Variants in KBTBD11 observed in about 807,000 individuals in gnomAD.
The protein encoded by KBTBD11 is kelch repeat and BTB domain-containing protein 11.
For synonymous variants in KBTBD11, 747 were observed against 499.0 expected (o/e 1.50, Z -6.63); for missense variants, 1,390 against 1,001.8 (o/e 1.39, Z -5.23).
At position 2,001,791 on chromosome 8, in the gene KBTBD11, G is replaced by A. The variant is rs1817374369; in HGVS notation, c.599G>A (p.Arg200Gln). 9 of 1,256,724 alleles carry A rather than the reference G, an allele frequency of 7.2e-6. No individual in the cohort carries two copies. In the South Asian group the frequency reaches 8.5e-5, roughly 12 times the overall value. 77.8% of individuals were successfully genotyped at this position (1,256,724 alleles called of 1,614,324 possible). The change falls in exon 2 of 2, where the codon CGG becomes CAG. Residue 200 changes from arginine to glutamine, a missense_variant. Arg to Gln is a conservative substitution (Grantham distance 43). Transcript: ENST00000320248. Reference sequence around the variant, plus strand: ...TACAGCGGGCGCATGGCGGGCGTGCGGCCCGACAACGTGGCCGAGGTGGTG... The same window carrying A: ...TACAGCGGGCGCATGGCGGGCGTGCAGCCCGACAACGTGGCCGAGGTGGTG... ...DAYSGRMAGV[R>Q]PDNVAEVVAG... is the part of the protein sequence containing the mutation.
chr8:1,984,023 G>A (rs565522789), intron 1 of KBTBD11, among the ~76,000 whole-genome samples: 18 of 152,294 alleles, frequency 1.2e-4, no homozygotes, highest in African/African-American at 3.1e-4. Context: ...CCAGCTACTC[G>A]GGAGGCTGAA....
At chr8:1,981,004 T>C (rs10093041) in intron 1 of KBTBD11, among the ~76,000 whole-genome samples, 85,174 of 152,094 alleles carry the variant, frequency 0.56, 25,507 homozygotes, top group East Asian at 0.82. Flanking sequence ...GGCAAAATAG[T>C]AACAAGGGCA....
intron 1 of KBTBD11, among the ~76,000 whole-genome samples, chr8:1,977,541 T>C (rs963050481): frequency 4.6e-5 from 7 of 152,126 alleles, no homozygotes; most frequent in African/African-American, 1.4e-4. Flanking sequence ...TATTATATTT[T>C]GAGATGGAGT....
Position 1,973,904 on chromosome 8 carries a change from G to C in KBTBD11, c.-940G>C. On this transcript the variant is annotated 5_prime_UTR_variant, in exon 1 of 2. Coordinates refer to ENST00000320248, the MANE Select transcript of KBTBD11 (RefSeq NM_014867.3). ...GCCCACCCGCCTGGCTGCGCGTCCC[G>C]GGCCCGGCGGCTGAAGAGGAGCCGC... 4.1e-6 allele frequency: 4 copies of C among 982,914 alleles called. No individual in the cohort carries two copies. The highest frequency in any genetic ancestry group is 3.6e-6 in the Non-Finnish European group (3 of 828,800). The allele number at this position is 982,914 out of a possible 1,614,324, so 60.9% of individuals were successfully genotyped here.
chr8:2,002,086 C>G lies in KBTBD11; in HGVS notation c.894C>G (p.Ala298=), dbSNP rs1282793069. 3.6e-5 allele frequency: 40 copies of G among 1,098,150 alleles called. No individual in the cohort carries two copies. Among genetic ancestry groups the G allele is most frequent in the Non-Finnish European group, 4.2e-5 (38 of 906,298 alleles). The allele number at this position is 1,098,150 out of a possible 1,614,324, so 68.0% of individuals were successfully genotyped here. ...GCGCCGGCCGCGCCCACCTCTTGGC[C>G]GCGGCGCTCGGGCCGGCGGGGGAGC... is the stretch of plus-strand genomic sequence containing the variant. ...RLRAGRAHLL[A]AALGPAGERA... The change falls in exon 2 of 2, where the codon GCC becomes GCG. Residue 298 remains alanine (A), a synonymous_variant. Transcript: ENST00000320248. The surrounding 1 kb of genome is among the most constrained non-coding windows in gnomAD (Gnocchi z 4.1).
At chr8:1,976,891 G>T (rs1321385861) in intron 1 of KBTBD11, among the ~76,000 whole-genome samples, 1 of 152,144 alleles carries the variant, frequency 6.6e-6, no homozygotes, top group East Asian at 1.9e-4. Flanking sequence ...GCACGGAGAG[G>T]TCAGTGAGGG....
chr8:1,980,587 A>G (rs1184343145), intron 1 of KBTBD11, among the ~76,000 whole-genome samples: 1 of 152,254 alleles, frequency 6.6e-6, no homozygotes, highest in Non-Finnish European at 1.5e-5. Context: ...CACTGCAGGC[A>G]GCTTCCGTGG....
In KBTBD11 at chr8:2,003,339, G is replaced by A. The variant is rs1216211757; in HGVS notation, c.*275G>A. The A allele has an allele frequency of 1.9e-5, 7 of 370,866 alleles. No individual in the cohort carries two copies. Among genetic ancestry groups the A allele is most frequent in the Non-Finnish European group, 3.3e-5 (7 of 215,090 alleles). The allele number at this position is 370,866 out of a possible 1,614,324, so 23.0% of individuals were successfully genotyped here. ...ACAGAGAAGGCTGTGGGATCCAAAGGGTCAGCCTCAGGGTACAGTGGGGGT... is the reference window on the plus strand; with the variant it reads ...ACAGAGAAGGCTGTGGGATCCAAAGAGTCAGCCTCAGGGTACAGTGGGGGT... On this transcript the variant is annotated 3_prime_UTR_variant, in exon 2 of 2. Coordinates refer to ENST00000320248, the MANE Select transcript of KBTBD11 (RefSeq NM_014867.3).
In KBTBD11 at chr8:1,987,978, T is replaced by C. The variant is rs185080420; in HGVS notation, c.-908-12307T>C. Among the ~76,000 whole-genome samples, 745 of 152,118 alleles carry C rather than the reference T, an allele frequency of 4.9e-3. 5 individuals are homozygous for C. The highest frequency in any genetic ancestry group is 0.017 in the African/African-American group (699 of 41,474). On this transcript the variant is annotated intron_variant, in intron 1 of 1. Coordinates refer to ENST00000320248, the MANE Select transcript of KBTBD11 (RefSeq NM_014867.3). ...GTTCCCACCTTTGAGTGAGAACATGTGGTGTTTGGTTTTCTGTCCTTGTGA... is the reference window on the plus strand; with the variant it reads ...GTTCCCACCTTTGAGTGAGAACATGCGGTGTTTGGTTTTCTGTCCTTGTGA...
intron 1 of KBTBD11, among the ~76,000 whole-genome samples, chr8:1,988,718 C>T (rs1391393840): frequency 6.6e-6 from 1 of 152,192 alleles, no homozygotes; most frequent in Non-Finnish European, 1.5e-5. Flanking sequence ...TTGCCTTCTG[C>T]ACTGAGGCTT....
chr8:1,990,291 T>A (rs1816865051), intron 1 of KBTBD11, among the ~76,000 whole-genome samples: 1 of 145,964 alleles, frequency 6.9e-6, no homozygotes, highest in African/African-American at 2.6e-5. Flanking sequence ...CTGCTGGGCC[T>A]TGGTGCCCTG....
chr8:2,004,111 T>G lies in KBTBD11; in HGVS notation c.*1047T>G, dbSNP rs1290327605. 3 of 167,006 alleles carry G rather than the reference T, an allele frequency of 1.8e-5. No individual in the cohort carries two copies. The highest frequency in any genetic ancestry group is 7.2e-5 in the African/African-American group (3 of 41,462). The allele number at this position is 167,006 out of a possible 1,614,324, so 10.3% of individuals were successfully genotyped here. ...ATTTTTACAATCAGTATTCTAAGTG[T>G]GGCCGAGTGACAGTGGGCATAGATT... On this transcript the variant is annotated 3_prime_UTR_variant, in exon 2 of 2. Transcript: ENST00000320248.
intron 1 of KBTBD11, among the ~76,000 whole-genome samples, chr8:1,976,817 A>G (rs1017206490): frequency 1.3e-5 from 2 of 152,200 alleles, no homozygotes; most frequent in Non-Finnish European, 2.9e-5. Context: ...GGGGTGGCTC[A>G]GGAGCCCAGG....
chr8:2,001,720 G>A lies in KBTBD11; in HGVS notation c.528G>A (p.Val176=). 2 of 1,413,812 alleles carry A rather than the reference G, an allele frequency of 1.4e-6. No individual in the cohort carries two copies. Among genetic ancestry groups the A allele is most frequent in the Non-Finnish European group, 1.8e-6 (2 of 1,087,830 alleles). 87.6% of individuals were successfully genotyped at this position (1,413,812 alleles called of 1,614,324 possible). A position where few individuals can be genotyped will look rare whatever the true frequency, so the allele number is the denominator to read the frequency against. Residue 176 remains valine, a synonymous_variant, in exon 2 of 2, where the codon GTG becomes GTA. Transcript: ENST00000320248. ...RARASRDVLR[V]QGVSLTALRL... ...GCGCGTCGCGGGACGTGCTGCGGGT[G>A]CAGGGAGTGAGCCTGACGGCGCTGC...
chr8:1,982,054 T>C (rs569104111), intron 1 of KBTBD11, among the ~76,000 whole-genome samples: 1 of 152,366 alleles, frequency 6.6e-6, no homozygotes. Context: ...AATACAGCTA[T>C]GGTAATATGT....
rs1298812984 is a variant in KBTBD11, at chr8:2,001,224, A to C, written c.32A>C (p.Tyr11Ser). MEHAVAPCVL[Y>S]PGTEPGAAGE... ...CACGCGGTGGCCCCCTGCGTCCTCT[A>C]CCCAGGGACTGAGCCCGGGGCTGCC... The change falls in exon 2 of 2, where the codon TAC becomes TCC. Residue 11 changes from tyrosine to serine, a missense_variant. Transcript: ENST00000320248. The C allele has an allele frequency of 1.4e-6, 2 of 1,460,468 alleles. No homozygotes were observed. Among genetic ancestry groups the C allele is most frequent in the Non-Finnish European group, 1.8e-6 (2 of 1,107,886 alleles). The allele number at this position is 1,460,468 out of a possible 1,614,324, so 90.5% of individuals were successfully genotyped here.
Position 2,003,792 on chromosome 8 carries a change from A to T in KBTBD11, c.*728A>T, listed in dbSNP as rs563891541. On this transcript the variant is annotated 3_prime_UTR_variant, in exon 2 of 2. Coordinates refer to ENST00000320248, the MANE Select transcript of KBTBD11 (RefSeq NM_014867.3). ...CAGTTGAAAGGATGTTAACTGATGT[A>T]GCGATGATTTACCATTATTTAAATT... is the stretch of plus-strand genomic sequence containing the variant. The T allele has an allele frequency of 1.3e-4, 21 of 167,142 alleles. No individual in the cohort carries two copies. The highest frequency in any genetic ancestry group is 5.1e-4 in the African/African-American group (21 of 41,570). 10.4% of individuals were successfully genotyped at this position (167,142 alleles called of 1,614,324 possible). A position where few individuals can be genotyped will look rare whatever the true frequency, so the allele number is the denominator to read the frequency against.
At chr8:1,986,065 G>C (rs937047229) in intron 1 of KBTBD11, among the ~76,000 whole-genome samples, 2 of 152,180 alleles carry the variant, frequency 1.3e-5, no homozygotes, top group Non-Finnish European at 2.9e-5. Context: ...AAAAATAGTA[G>C]CTAAAATATC....
chr8:1,976,515 T>A (rs1219096655), intron 1 of KBTBD11: 1 of 152,166 alleles, frequency 6.6e-6, no homozygotes, highest in Non-Finnish European at 1.5e-5. Flanking sequence ...TTTGAAGGAT[T>A]AGCATGAATT....
Sources: gnomAD v4.1 joint callset for allele counts (sites outside exome capture counted in the v4.1 genomes callset) on GRCh38, gnomAD v4.1.1 for gene constraint, Gnocchi (gnomAD v3.1) non-coding constraint, MANE v1.5 for transcripts, NCBI Gene and HGNC (gene_info 2026-07-23, HGNC 2026-07-21) for gene names.